Variants in SDK2 observed in about 807,000 individuals in gnomAD.
SDK2 encodes sidekick cell adhesion molecule 2.
A neutral mutation model predicts 253.9 loss-of-function variants in SDK2; 105 were observed. That is an observed-to-expected ratio of 0.41 (90% confidence interval 0.35 to 0.49). SDK2 has a LOEUF of 0.49. Among genes scored for constraint, SDK2 ranks in the 20% least tolerant of loss-of-function variants. The pLI is 0.06. For missense variants in SDK2, 2,608 were observed against 3,003.0 expected (o/e 0.87, Z 3.07); for synonymous variants, 1,249 against 1,234.9 (o/e 1.01, Z -0.24).
At chr17:73,614,865 C>T (rs1038418993) in intron 1 of SDK2, among the ~76,000 whole-genome samples, 56 of 151,742 alleles carry the variant, frequency 3.7e-4, no homozygotes, top group African/African-American at 1.3e-3. Context: ...TGAAAAACTA[C>T]CTATCAGGTA....
rs1002343126 is a variant in SDK2 at position 73,570,120 on chromosome 17, C to T, written c.65-62523G>A. 1.4e-4 allele frequency among the ~76,000 whole-genome samples: 21 copies of T among 152,120 alleles called. No homozygotes were observed. Among genetic ancestry groups the T allele is most frequent in the Non-Finnish European group, 2.8e-4 (19 of 68,008 alleles). On this transcript the variant is annotated intron_variant, in intron 1 of 44. Transcript: ENST00000392650. This position sits in a 1 kb window ranked among gnomAD's most constrained non-coding sequence, Gnocchi z 4.2. ...CCCAGAGCCCCTCGGGACGGCCCCCCAGAGCCCCTCTTGGGGAGAGACTGG... is the reference window on the plus strand; with the variant it reads ...CCCAGAGCCCCTCGGGACGGCCCCCTAGAGCCCCTCTTGGGGAGAGACTGG...
At chr17:73,500,609 C>G (rs2063882808) in intron 2 of SDK2, among the ~76,000 whole-genome samples, 1 of 143,188 alleles carries the variant, frequency 7.0e-6, no homozygotes, top group Admixed American at 6.9e-5. Flanking sequence ...CTCCTTCTAT[C>G]TCCTCCATCC....
At chr17:73,554,958 C>G (rs115612604) in intron 1 of SDK2, among the ~76,000 whole-genome samples, 1 of 152,340 alleles carries the variant, frequency 6.6e-6, no homozygotes, top group Non-Finnish European at 1.5e-5. Flanking sequence ...CAGGAGCCCT[C>G]GAGGTGCTCT....
At chr17:73,369,023 A>C (rs1451637082) in intron 36 of SDK2, 1 of 345,492 alleles carries the variant, frequency 2.9e-6, no homozygotes, top group Non-Finnish European at 6.0e-6. Flanking sequence ...AAAAAAAAAA[A>C]AAAGAATTTA....
chr17:73,449,022 G>C (rs1036029156), intron 4 of SDK2, among the ~76,000 whole-genome samples: 2 of 152,132 alleles, frequency 1.3e-5, no homozygotes, highest in African/African-American at 4.8e-5. Flanking sequence ...GGTTAGGAGG[G>C]AAAAAGAGGC....
At chr17:73,350,185 C>T in intron 43 of SDK2, 52 bp downstream of exon 43, 3 of 1,540,416 alleles carry the variant, frequency 1.9e-6, no homozygotes, top group Non-Finnish European at 2.6e-6. Context: ...AGCATTCTCC[C>T]CACCTGGGCA....
intron 16 of SDK2, among the ~76,000 whole-genome samples, chr17:73,416,196 TCAA>T (rs2063180851): frequency 1.1e-5 from 1 of 91,798 alleles, no homozygotes; most frequent in Non-Finnish European, 2.2e-5. Flanking sequence ...AGAAATGAAT[TCAA>T]TTTTTTTTTT....
chr17:73,480,425 TAC>T (rs2063714160), intron 2 of SDK2, among the ~76,000 whole-genome samples: 2 of 152,198 alleles, frequency 1.3e-5, no homozygotes, highest in Non-Finnish European at 2.9e-5. Flanking sequence ...GCCAGTCTAG[TAC>T]ACTGGAGGCC....
chr17:73,395,208 G>A lies in SDK2; in HGVS notation c.3539C>T (p.Ala1180Val). 1 of 1,611,798 alleles carries A rather than the reference G, an allele frequency of 6.2e-7. No individual in the cohort carries two copies. Residue 1180 changes from alanine (A) to valine (V), a missense_variant, in exon 25 of 45, where the codon GCC becomes GTC. Transcript: ENST00000392650. This position sits in a 1 kb window ranked among gnomAD's most constrained non-coding sequence, Gnocchi z 4.3. ...EYRVQVQAFN[A>V]IGSGPWSQTV... ...CTGGCTCCAGGGCCCGCTCCCGATG[G>A]CGTTGAAGGCCTGGACCTGGACGCG...
intron 1 of SDK2, among the ~76,000 whole-genome samples, chr17:73,558,993 A>T (rs2045186675): frequency 1.3e-5 from 2 of 152,226 alleles, no homozygotes; most frequent in African/African-American, 4.8e-5. Context: ...CTAAAAAGGT[A>T]GCTGAGAAAC....
intron 7 of SDK2, 69 bp downstream of exon 7, chr17:73,437,895 C>T (rs753179297): frequency 3.4e-5 from 55 of 1,606,324 alleles, no homozygotes; most frequent in Non-Finnish European, 4.5e-5. Flanking sequence ...GGGGGTCACC[C>T]TTAAGGAGGA....
At chr17:73,506,915 C>T (rs75610057) in intron 2 of SDK2, among the ~76,000 whole-genome samples, 22,077 of 152,284 alleles carry the variant, frequency 0.14, 1,683 homozygotes, top group South Asian at 0.19. Flanking sequence ...CTCCATGGCA[C>T]GGGCACAGAT....
chr17:73,432,101 A>T (rs2063330683), intron 10 of SDK2, among the ~76,000 whole-genome samples: 1 of 151,650 alleles, frequency 6.6e-6, no homozygotes, highest in Non-Finnish European at 1.5e-5. Context: ...GGGGAGAGTC[A>T]CCTTCAAGAG....
intron 1 of SDK2, among the ~76,000 whole-genome samples, chr17:73,621,576 G>C (rs1316200650): frequency 6.6e-6 from 1 of 151,726 alleles, no homozygotes; most frequent in Admixed American, 6.6e-5. Context: ...TAGAAAGCTA[G>C]AAGTTATATA....
intron 3 of SDK2, among the ~76,000 whole-genome samples, chr17:73,466,094 C>T (rs750713829): frequency 8.5e-5 from 13 of 152,136 alleles, no homozygotes; most frequent in Non-Finnish European, 1.8e-4. Context: ...CATGCAAGTA[C>T]GGGGTGAGCA....
chr17:73,373,665 CTTTTT>C (rs201908475), intron 36 of SDK2, among the ~76,000 whole-genome samples: 30 of 151,408 alleles, frequency 2.0e-4, no homozygotes, highest in African/African-American at 7.3e-4. Flanking sequence ...CTTCTTTTTT[CTTTTT>C]TTTTGAGTTG....
At chr17:73,460,960 T>C (rs953594736) in intron 3 of SDK2, among the ~76,000 whole-genome samples, 4 of 152,210 alleles carry the variant, frequency 2.6e-5, no homozygotes, top group African/African-American at 9.7e-5. Context: ...ATTTTGCTGG[T>C]GAGGAAATGA....
intron 20 of SDK2, 61 bp downstream of exon 20, chr17:73,401,593 C>T: frequency 1.4e-6 from 2 of 1,430,026 alleles, no homozygotes; most frequent in Non-Finnish European, 1.9e-6. Context: ...AGGGGATGGA[C>T]CAGCTCTGAC....
chr17:73,428,551 A>T (rs2063302172), intron 12 of SDK2, among the ~76,000 whole-genome samples: 1 of 152,048 alleles, frequency 6.6e-6, no homozygotes, highest in African/African-American at 2.4e-5. Context: ...TGCAGTTTTG[A>T]CCATTCCTTT....
Sources: gnomAD v4.1 joint callset for allele counts (sites outside exome capture counted in the v4.1 genomes callset) on GRCh38, gnomAD v4.1.1 for gene constraint, Gnocchi (gnomAD v3.1) non-coding constraint, MANE v1.5 for transcripts, NCBI Gene and HGNC (gene_info 2026-07-23, HGNC 2026-07-21) for gene names.